PCOLCE2: variants seen among roughly 807,000 people sequenced by gnomAD.
PCOLCE2 encodes procollagen C-endopeptidase enhancer 2.
Under a neutral mutation model 47.0 loss-of-function variants are expected in PCOLCE2, and 42 were observed. The observed-to-expected ratio is 0.89, with a 90% CI of 0.70 to 1.16. The LOEUF is 1.16. Ranked by LOEUF, PCOLCE2 falls within the 50% of genes most tolerant of loss-of-function variation. The probability of loss-of-function intolerance (pLI) is 0.00; values close to 1 mark genes in which losing one functional copy is unlikely to be tolerated. For missense variants in PCOLCE2, 500 were observed against 526.1 expected (o/e 0.95, Z 0.49); for synonymous variants, 169 against 191.7 (o/e 0.88, Z 0.98).
intron 5 of PCOLCE2, among the ~76,000 whole-genome samples, chr3:142,831,632 A>G (rs577062363): frequency 1.3e-5 from 2 of 152,344 alleles, no homozygotes; most frequent in African/African-American, 4.8e-5. Context: ...TAAATAAATA[A>G]AAACAATGCA....
At chr3:142,864,971 A>G (rs553251083) in intron 2 of PCOLCE2, among the ~76,000 whole-genome samples, 1 of 152,328 alleles carries the variant, frequency 6.6e-6, no homozygotes, top group South Asian at 2.1e-4. Flanking sequence ...ATCTTTGTAC[A>G]AGTCTTTATG....
At chr3:142,847,281 A>AT (rs747441624) in intron 3 of PCOLCE2, among the ~76,000 whole-genome samples, 1 of 152,158 alleles carries the variant, frequency 6.6e-6, no homozygotes, top group Non-Finnish European at 1.5e-5. Flanking sequence ...TTATACGAAT[A>AT]TTTTGTGCCT....
chr3:142,827,497 G>T, intron 6 of PCOLCE2: 1 of 1,500,680 alleles, frequency 6.7e-7, no homozygotes, highest in African/African-American at 1.4e-5. Context: ...AGGACAGCTT[G>T]CTACGGCCTC....
intron 2 of PCOLCE2, among the ~76,000 whole-genome samples, chr3:142,852,797 C>G (rs1364802571): frequency 1.3e-5 from 2 of 150,282 alleles, no homozygotes; most frequent in Non-Finnish European, 3.0e-5. Context: ...TGCACAGTGA[C>G]TTTTTGTGTT....
At chr3:142,855,861 C>T (rs1025293537) in intron 2 of PCOLCE2, among the ~76,000 whole-genome samples, 3 of 152,184 alleles carry the variant, frequency 2.0e-5, no homozygotes, top group Non-Finnish European at 2.9e-5. Context: ...TCCCACTGCA[C>T]TGGACGGTGA....
At chr3:142,863,633 T>A (rs1047647567) in intron 2 of PCOLCE2, among the ~76,000 whole-genome samples, 2 of 152,072 alleles carry the variant, frequency 1.3e-5, no homozygotes, top group African/African-American at 4.8e-5. Flanking sequence ...TGGGAAGGGC[T>A]CAGAGGTGCC....
Position 142,848,428 on chromosome 3 carries a change from G to A in PCOLCE2, c.237C>T (p.Asp79=). Residue 79 remains aspartate (D), a synonymous_variant, in exon 3 of 9, where the codon GAC becomes GAT. Transcript: ENST00000295992. ...AGCGGCACAGGTTGTCACTCTCGAG[G>A]TCTATGAATCGGAAATTGAGAACGA... ...KVVVLNFRFI[D]LESDNLCRYD... 1 of 1,606,786 alleles carries A rather than the reference G, an allele frequency of 6.2e-7. No homozygotes were observed. Among genetic ancestry groups the A allele is most frequent in the South Asian group, 1.1e-5 (1 of 90,858 alleles).
chr3:142,859,564 G>GTT (rs1253853763), intron 2 of PCOLCE2, among the ~76,000 whole-genome samples: 15 of 144,390 alleles, frequency 1.0e-4, no homozygotes, highest in African/African-American at 3.0e-4. Context: ...TTTCTTTCTT[G>GTT]TTTTTTTTTT....
At position 142,818,828 on chromosome 3, in the gene PCOLCE2, C is replaced by T. The variant is rs147939085; in HGVS notation, c.1118-363G>A. On this transcript the variant is annotated intron_variant, in intron 8 of 8. Coordinates refer to ENST00000295992, the MANE Select transcript of PCOLCE2 (RefSeq NM_013363.4). Reference sequence around the variant, plus strand: ...TTTCAGCTACGCTAACACCAGGAAGCTGGACTGAGTGGTTAGATCAGCCAT... The same window carrying T: ...TTTCAGCTACGCTAACACCAGGAAGTTGGACTGAGTGGTTAGATCAGCCAT... 2.9e-4 allele frequency among the ~76,000 whole-genome samples: 44 copies of T among 152,368 alleles called. No homozygotes were observed. In the East Asian group the frequency reaches 7.9e-3, roughly 27 times the overall value.
At chr3:142,886,017 G>T (rs960136895) in intron 2 of PCOLCE2, among the ~76,000 whole-genome samples, 1 of 152,176 alleles carries the variant, frequency 6.6e-6, no homozygotes, top group Admixed American at 6.5e-5. Context: ...TAATCCTAAG[G>T]TTTAAAGGAG....
rs1937280879 is a variant in PCOLCE2, at chr3:142,842,938, CT to C, written c.558del (p.Ala187ProfsTer7). The C allele has an allele frequency of 6.2e-7, 1 of 1,613,944 alleles. No homozygotes were observed. The highest frequency in any genetic ancestry group is 1.7e-5 in the Admixed American group (1 of 59,992). Reference protein sequence around the residue: ...PAGVTCVWHIVAPKNQLIELK... With the variant: ...PAGVTCVWHIXAPKNQLIELK... ...GGGAATCTCACCTGATTCTTTGGGG[CT>C]ACAATGTGCCACACACAAGTGACTC... On this transcript the variant is annotated frameshift_variant, in exon 4 of 9. Coordinates refer to ENST00000295992, the MANE Select transcript of PCOLCE2 (RefSeq NM_013363.4). LOFTEE classifies it high-confidence loss of function. This position sits in a 1 kb window ranked among gnomAD's most constrained non-coding sequence, Gnocchi z 4.1.
Position 142,848,374 on chromosome 3 carries a change from A to G in PCOLCE2, c.291T>C (p.His97=). Residue 97 remains histidine, a synonymous_variant, in exon 3 of 9, where the codon CAT becomes CAC. Coordinates refer to ENST00000295992, the MANE Select transcript of PCOLCE2 (RefSeq NM_013363.4). ...RYDFVDVYNG[H]ANGQRIGRFC... The stretch of plus-strand genomic sequence containing the variant: ...AGCGGCCAATGCGCTGGCCATTGGC[A>G]TGGCCATTGTACACATCCACAAAGT... 6.2e-7 allele frequency: 1 copy of G among 1,614,170 alleles called. No individual in the cohort carries two copies. The highest frequency in any genetic ancestry group is 8.5e-7 in the Non-Finnish European group (1 of 1,179,988).
In PCOLCE2 at chr3:142,829,865, GT is replaced by G; in HGVS notation, c.711-20del. 2 of 1,469,852 alleles carry G rather than the reference GT, an allele frequency of 1.4e-6. No individual in the cohort carries two copies. The highest frequency in any genetic ancestry group is 2.0e-5 in the Admixed American group (1 of 49,310). 91.1% of individuals were successfully genotyped at this position (1,469,852 alleles called of 1,614,324 possible). ...AATTGGCCTAAAAAAAGAAAAATGT[GT>G]TTTTTTATAAATACTTAAAAGTGGT... On this transcript the variant is annotated intron_variant, in intron 5 of 8. Transcript: ENST00000295992.
chr3:142,857,341 A>C (rs975578309), intron 2 of PCOLCE2, among the ~76,000 whole-genome samples: 8 of 152,190 alleles, frequency 5.3e-5, no homozygotes, highest in African/African-American at 1.9e-4. Flanking sequence ...GTGTCAGGAA[A>C]GGGTTTGGAA....
chr3:142,850,147 T>C (rs188430144), intron 2 of PCOLCE2, among the ~76,000 whole-genome samples: 40 of 152,138 alleles, frequency 2.6e-4, no homozygotes, highest in African/African-American at 9.2e-4. Flanking sequence ...AGATGTCTGT[T>C]GTAAAACTTC....
chr3:142,822,146 A>G (rs1937022968), intron 7 of PCOLCE2, among the ~76,000 whole-genome samples: 1 of 151,946 alleles, frequency 6.6e-6, no homozygotes, highest in Non-Finnish European at 1.5e-5. Flanking sequence ...CGAACTCCCA[A>G]CCTCAGGTGA....
chr3:142,880,079 A>C (rs988286972), intron 2 of PCOLCE2, among the ~76,000 whole-genome samples: 1 of 150,628 alleles, frequency 6.6e-6, no homozygotes, highest in Non-Finnish European at 1.5e-5. Context: ...TGGTGCTCTT[A>C]TCCCATTCAT....
chr3:142,848,486 C>T lies in PCOLCE2; in HGVS notation c.193-14G>A, dbSNP rs545499868. 13 of 1,584,624 alleles carry T rather than the reference C, an allele frequency of 8.2e-6. No homozygotes were observed. The highest frequency in any genetic ancestry group is 4.1e-5 in the African/African-American group (3 of 73,958). ...TCCTTCGGGAACCTGCCAAGAAAAG[C>T]GCCAATTAGAAAACTGTCATGAAAA... On this transcript the variant is annotated splice_polypyrimidine_tract_variant and intron_variant, in intron 2 of 8. Transcript: ENST00000295992.
At chr3:142,862,585 A>T (rs1369211926) in intron 2 of PCOLCE2, among the ~76,000 whole-genome samples, 4 of 152,252 alleles carry the variant, frequency 2.6e-5, no homozygotes, top group Admixed American at 1.3e-4. Context: ...TTTCACGAGA[A>T]GCCACTGAGG....
Sources: gnomAD v4.1 joint callset for allele counts (sites outside exome capture counted in the v4.1 genomes callset) on GRCh38, gnomAD v4.1.1 for gene constraint, Gnocchi (gnomAD v3.1) non-coding constraint, MANE v1.5 for transcripts, NCBI Gene and HGNC (gene_info 2026-07-23, HGNC 2026-07-21) for gene names.